CNTN4: variants seen among roughly 807,000 people sequenced by gnomAD.
The protein encoded by CNTN4 is contactin-4.
Under a neutral mutation model 122.5 loss-of-function variants are expected in CNTN4, and 77 were observed. The ratio of observed to expected loss-of-function variants is 0.63; its 90% CI spans 0.52 to 0.76. The LOEUF (loss-of-function observed/expected upper bound fraction) is 0.76, where lower values mean the gene tolerates loss of function less well. Among genes scored for constraint, CNTN4 ranks in the 30% least tolerant of loss-of-function variants. The probability of loss-of-function intolerance (pLI) is 0.00; values close to 1 mark genes in which losing one functional copy is unlikely to be tolerated. For synonymous variants in CNTN4, 512 were observed against 447.0 expected (o/e 1.15, Z -1.83); for missense variants, 1,256 against 1,259.1 (o/e 1.00, Z 0.04).
intron 3 of CNTN4, 42 bp from the exon 4 acceptor site, chr3:2,571,374 A>G: frequency 1.4e-6 from 1 of 733,502 alleles, no homozygotes; most frequent in South Asian, 1.5e-5. Context: ...CACAAGGAGA[A>G]ATATTCCCAA....
intron 3 of CNTN4, among the ~76,000 whole-genome samples, chr3:2,412,315 T>C (rs1424438294): frequency 6.6e-6 from 1 of 151,876 alleles, no homozygotes; most frequent in Non-Finnish European, 1.5e-5. Context: ...GCAGTGGCGC[T>C]ATCTCGGCTC....
intron 14 of CNTN4, among the ~76,000 whole-genome samples, chr3:2,997,532 A>G (rs1000016531): frequency 6.6e-6 from 1 of 152,316 alleles, no homozygotes; most frequent in East Asian, 1.9e-4. Context: ...TATAACTCTC[A>G]AAGAGGCAGT....
At chr3:2,810,426 C>G (rs1319144113) in intron 6 of CNTN4, among the ~76,000 whole-genome samples, 1 of 151,916 alleles carries the variant, frequency 6.6e-6, no homozygotes, top group Non-Finnish European at 1.5e-5. Context: ...TTCCTGGAAA[C>G]AAAGAGTGAT....
At chr3:2,239,281 G>C (rs935676330) in intron 2 of CNTN4, among the ~76,000 whole-genome samples, 1 of 152,090 alleles carries the variant, frequency 6.6e-6, no homozygotes, top group Non-Finnish European at 1.5e-5. Flanking sequence ...TTATGCGGAC[G>C]ATCCTTGGAC....
At chr3:2,776,024 T>G (rs1310676074) in intron 6 of CNTN4, among the ~76,000 whole-genome samples, 1 of 152,208 alleles carries the variant, frequency 6.6e-6, no homozygotes, top group Non-Finnish European at 1.5e-5. Flanking sequence ...TCATAGCATA[T>G]TTATTGCATG....
intron 3 of CNTN4, among the ~76,000 whole-genome samples, chr3:2,381,942 C>T (rs546549621): frequency 1.3e-3 from 198 of 152,126 alleles, no homozygotes; most frequent in African/African-American, 4.6e-3. Flanking sequence ...AATAAAATTT[C>T]GAACTGGCAA....
intron 3 of CNTN4, among the ~76,000 whole-genome samples, chr3:2,562,402 C>G (rs768710247): frequency 6.6e-6 from 1 of 152,032 alleles, no homozygotes; most frequent in Non-Finnish European, 1.5e-5. Context: ...TTCTACTAGT[C>G]CCCAGGGTCT....
At chr3:2,448,943 A>G (rs551795824) in intron 3 of CNTN4, among the ~76,000 whole-genome samples, 10 of 152,256 alleles carry the variant, frequency 6.6e-5, no homozygotes, top group African/African-American at 2.4e-4. Flanking sequence ...CTACCTTTCT[A>G]TCTCCAGAGG....
At chr3:2,181,410 TAGTAGAACGTATCAAACGCC>T (rs1307282467) in intron 2 of CNTN4, among the ~76,000 whole-genome samples, 5 of 152,176 alleles carry the variant, frequency 3.3e-5, no homozygotes, top group South Asian at 2.1e-4. Context: ...AATTCACATT[TAGTAGAACGTATCAAACGCC>T]AGTAGAACGT....
chr3:2,635,082 A>G (rs1270566998), intron 4 of CNTN4, among the ~76,000 whole-genome samples: 2 of 150,302 alleles, frequency 1.3e-5, no homozygotes, highest in African/African-American at 4.9e-5. Context: ...TTTTCATCGA[A>G]TTTTTTTTTT....
chr3:2,818,012 G>C (rs2092777272), intron 6 of CNTN4, among the ~76,000 whole-genome samples: 2 of 152,086 alleles, frequency 1.3e-5, no homozygotes, highest in Admixed American at 1.3e-4. Flanking sequence ...GATTTGTTTT[G>C]TGCAGAGTAT....
At chr3:2,730,423 T>G (rs1016136968) in intron 4 of CNTN4, among the ~76,000 whole-genome samples, 1 of 151,952 alleles carries the variant, frequency 6.6e-6, no homozygotes, top group African/African-American at 2.4e-5. Context: ...AGCCGGGAGG[T>G]TTCTTGACAC....
At chr3:2,345,536 G>T (rs549239060) in intron 3 of CNTN4, among the ~76,000 whole-genome samples, 4 of 152,268 alleles carry the variant, frequency 2.6e-5, no homozygotes, top group African/African-American at 9.6e-5. Context: ...AGGAGCATGG[G>T]TGTCATTTGT....
intron 7 of CNTN4, among the ~76,000 whole-genome samples, chr3:2,820,981 A>ATTTTTTTTTT (rs2092855445): frequency 3.7e-5 from 1 of 27,258 alleles, no homozygotes; most frequent in African/African-American, 1.5e-4. Flanking sequence ...TTTTTTTTTG[A>ATTTTTTTTTT]GACAGAGTCT....
Position 2,745,583 on chromosome 3 carries a change from G to A in CNTN4, c.244G>A (p.Gly82Arg), listed in dbSNP as rs766639259. The A allele has an allele frequency of 6.2e-7, 1 of 1,614,120 alleles. No homozygotes were observed. Among genetic ancestry groups the A allele is most frequent in the East Asian group, 2.2e-5 (1 of 44,870 alleles). ...GMDFRYSVVE[G>R]SLLINNPNKT... ...GGATTTCCGCTACAGTGTTGTTGAA[G>A]GGAGCTTGTTGATCAATAACCCCAA... The change falls in exon 6 of 25, where the codon GGG becomes AGG. Residue 82 changes from glycine to arginine, a missense_variant. Transcript: ENST00000418658.
chr3:2,802,094 C>T (rs890885185), intron 6 of CNTN4, among the ~76,000 whole-genome samples: 12 of 151,786 alleles, frequency 7.9e-5, no homozygotes, highest in African/African-American at 2.4e-4. Flanking sequence ...TTATTGTTAC[C>T]ATCATTATCA....
intron 2 of CNTN4, among the ~76,000 whole-genome samples, chr3:2,144,691 C>T (rs762367132): frequency 1.3e-5 from 2 of 152,252 alleles, no homozygotes; most frequent in South Asian, 4.1e-4. Flanking sequence ...GATTCTTAAA[C>T]CTGGAATTGA....
At chr3:2,348,782 A>C (rs570914337) in intron 3 of CNTN4, among the ~76,000 whole-genome samples, 1 of 152,316 alleles carries the variant, frequency 6.6e-6, no homozygotes, top group African/African-American at 2.4e-5. Flanking sequence ...CCTATGACTC[A>C]TATCTTAATA....
chr3:2,617,215 C>T (rs148571376), intron 4 of CNTN4, among the ~76,000 whole-genome samples: 7,295 of 151,874 alleles, frequency 0.048, 572 homozygotes, highest in African/African-American at 0.17. Context: ...ACCTACAGAA[C>T]GGGAGAAAAT....
Sources: allele counts gnomAD v4.1 joint callset (sites outside exome capture counted in the v4.1 genomes callset), GRCh38; gene constraint gnomAD v4.1.1; transcripts MANE v1.5; gene names NCBI Gene and HGNC (gene_info 2026-07-23, HGNC 2026-07-21).